CBY2: variants seen among roughly 807,000 people sequenced by gnomAD.
CBY2 encodes protein chibby homolog 2.
Under a neutral mutation model 25.3 loss-of-function variants are expected in CBY2, and 23 were observed. The observed-to-expected ratio is 0.91, with a 90% CI of 0.65 to 1.29. The LOEUF is 1.29. Ranked by LOEUF, CBY2 falls within the 50% of genes most tolerant of loss-of-function variation. The probability of loss-of-function intolerance (pLI) is 0.00; values close to 1 mark genes in which losing one functional copy is unlikely to be tolerated. For synonymous variants in CBY2, 279 were observed against 260.2 expected, an observed-to-expected ratio of 1.07 and a Z score of -0.70; for missense variants, 642 against 590.7, an observed-to-expected ratio of 1.09 and a Z score of -0.90.
rs1950302799 is a variant in CBY2, at chr13:45,714,490, C to T, written c.*118C>T. On this transcript the variant is annotated 3_prime_UTR_variant, in exon 3 of 3. Coordinates refer to ENST00000310521, the MANE Select transcript of CBY2 (RefSeq NM_152719.3). ...CAGCCAGTTCGTACCTATTGAAAAG[C>T]AGCGTTAGCAGCCTTCCTAAACTCA... 3.5e-6 allele frequency: 3 copies of T among 850,202 alleles called. No individual in the cohort carries two copies. In the East Asian group the frequency reaches 8.1e-5, roughly 23 times the overall value. The allele number at this position is 850,202 out of a possible 1,614,324, so 52.7% of individuals were successfully genotyped here.
intron 2 of CBY2, chr13:45,703,516 C>A (rs555000372): frequency 6.4e-7 from 1 of 1,550,728 alleles, no homozygotes; most frequent in Non-Finnish European, 8.7e-7. Flanking sequence ...TCCAGAGTCA[C>A]CTAAGTCCTC....
intron 2 of CBY2, among the ~76,000 whole-genome samples, chr13:45,709,071 A>C (rs1950254687): frequency 2.6e-5 from 4 of 152,194 alleles, no homozygotes; most frequent in Admixed American, 2.6e-4. Flanking sequence ...CCAATTTACA[A>C]ATGCAAATCC....
At chr13:45,707,425 G>A (rs372848088) in intron 2 of CBY2, among the ~76,000 whole-genome samples, 1 of 152,106 alleles carries the variant, frequency 6.6e-6, no homozygotes, top group Admixed American at 6.5e-5. Flanking sequence ...ACTATATTAA[G>A]GCAAAAGAAA....
In CBY2 at chr13:45,712,629, G is replaced by A. The variant is rs546957057; in HGVS notation, c.157-553G>A. On this transcript the variant is annotated intron_variant, in intron 2 of 2. Transcript: ENST00000310521. ...CAGGCTAGAAAATAGTGTCCATTGC[G>A]CAGTCTATCTAGTGCCACTTTTTTT... Among the ~76,000 whole-genome samples, 7 of 152,218 alleles carry A rather than the reference G, an allele frequency of 4.6e-5. No individual in the cohort carries two copies. In the East Asian group the frequency reaches 7.7e-4, roughly 17 times the overall value.
Position 45,714,083 on chromosome 13 carries a change from G to A in CBY2, c.1058G>A (p.Cys353Tyr). ...GTGGGCCCGGGCCTGCCCGACGGCT[G>A]CCAGCCCCTGCAGCTGCTGAGAGAG... ...AKVGPGLPDG[C>Y]QPLQLLREMR... Residue 353 changes from cysteine (C) to tyrosine (Y), a missense_variant, in exon 3 of 3, where the codon TGC becomes TAC. By Grantham distance (194) the Cys-to-Tyr change is radical. Transcript: ENST00000310521. 1 of 1,535,102 alleles carries A rather than the reference G, an allele frequency of 6.5e-7. No individual in the cohort carries two copies. The highest frequency in any genetic ancestry group is 8.8e-7 in the Non-Finnish European group (1 of 1,139,762).
chr13:45,713,994 G>A lies in CBY2; in HGVS notation c.969G>A (p.Glu323=). The A allele has an allele frequency of 1.3e-6, 2 of 1,500,090 alleles. No individual in the cohort carries two copies. The highest frequency in any genetic ancestry group is 1.8e-6 in the Non-Finnish European group (2 of 1,127,086). The allele number at this position is 1,500,090 out of a possible 1,614,324, so 92.9% of individuals were successfully genotyped here. ...GPPARQEDSK[E]LRALRKMVSN... is the part of the protein sequence containing the mutation. ...CGGCCCGGCAGGAGGACTCCAAGGA[G>A]CTGCGCGCCCTGCGGAAGATGGTCA... The change falls in exon 3 of 3, where the codon GAG becomes GAA. Residue 323 remains glutamate, a synonymous_variant. Coordinates refer to ENST00000310521, the MANE Select transcript of CBY2 (RefSeq NM_152719.3). The surrounding 1 kb of genome is among the most constrained non-coding windows in gnomAD (Gnocchi z 5.0).
intron 2 of CBY2, among the ~76,000 whole-genome samples, chr13:45,710,777 C>T (rs1232223191): frequency 6.6e-6 from 1 of 152,124 alleles, no homozygotes; most frequent in Admixed American, 6.5e-5. Flanking sequence ...GCAGAATGCC[C>T]TCATACCCTT....
At position 45,714,031 on chromosome 13, in the gene CBY2, G is replaced by A. The variant is rs1048099430; in HGVS notation, c.1006G>A (p.Gly336Arg). ...ALRKMVSNMS[G>R]PSGEEEAKVG... ...GCGGAAGATGGTCAGCAACATGTCC[G>A]GGCCCTCCGGGGAGGAGGAGGCCAA... is the stretch of plus-strand genomic sequence containing the variant. Residue 336 changes from glycine to arginine, a missense_variant, in exon 3 of 3, where the codon GGG becomes AGG. By Grantham distance (125) the Gly-to-Arg change is moderately radical. Coordinates refer to ENST00000310521, the MANE Select transcript of CBY2 (RefSeq NM_152719.3). 1.5e-5 allele frequency: 22 copies of A among 1,489,656 alleles called. No homozygotes were observed. Among genetic ancestry groups the A allele is most frequent in the Admixed American group, 2.5e-5 (1 of 40,496 alleles). 92.3% of individuals were successfully genotyped at this position (1,489,656 alleles called of 1,614,324 possible). A position where few individuals can be genotyped will look rare whatever the true frequency, so the allele number is the denominator to read the frequency against.
In CBY2 at chr13:45,704,316, G is replaced by T. The variant is rs1250165619; in HGVS notation, c.156+1461G>T. Among the ~76,000 whole-genome samples, 1 of 152,164 alleles carries T rather than the reference G, an allele frequency of 6.6e-6. No homozygotes were observed. The highest frequency in any genetic ancestry group is 2.4e-5 in the African/African-American group (1 of 41,444). ...GGGCTGCCTGCTTCCTGTGCTGGAG[G>T]ACCTGGTGCTGCTGCTGGGGTCTTG... On this transcript the variant is annotated intron_variant, in intron 2 of 2. Coordinates refer to ENST00000310521, the MANE Select transcript of CBY2 (RefSeq NM_152719.3). This position sits in a 1 kb window ranked among gnomAD's most constrained non-coding sequence, Gnocchi z 4.1.
intron 2 of CBY2, among the ~76,000 whole-genome samples, chr13:45,708,295 G>T (rs1211230480): frequency 6.6e-6 from 1 of 152,200 alleles, no homozygotes; most frequent in African/African-American, 2.4e-5. Flanking sequence ...CTCTGGAGAT[G>T]TTATCATTTC....
intron 2 of CBY2, among the ~76,000 whole-genome samples, chr13:45,706,785 C>A (rs567610988): frequency 3.3e-4 from 50 of 152,122 alleles, no homozygotes; most frequent in Non-Finnish European, 6.9e-4. Context: ...CCCATGAAAC[C>A]AATCCAGTGA....
Position 45,713,616 on chromosome 13 carries a change from G to A in CBY2, c.591G>A (p.Gln197=), listed in dbSNP as rs762315503. The change falls in exon 3 of 3, where the codon CAG becomes CAA. Residue 197 remains glutamine, a synonymous_variant. Transcript: ENST00000310521. This position sits in a 1 kb window ranked among gnomAD's most constrained non-coding sequence, Gnocchi z 5.0. ...RMLSKENKIL[Q]VFWEEHKASL... is the part of the protein sequence containing the mutation. ...TCAGCAAGGAGAACAAGATCCTACAGGTCTTCTGGGAGGAGCACAAGGCCT... is the reference window on the plus strand; with the variant it reads ...TCAGCAAGGAGAACAAGATCCTACAAGTCTTCTGGGAGGAGCACAAGGCCT... 3 of 1,613,704 alleles carry A rather than the reference G, an allele frequency of 1.9e-6. No homozygotes were observed. Among genetic ancestry groups the A allele is most frequent in the East Asian group, 2.2e-5 (1 of 44,834 alleles).
chr13:45,708,115 G>A (rs1367711482), intron 2 of CBY2, among the ~76,000 whole-genome samples: 1 of 152,174 alleles, frequency 6.6e-6, no homozygotes, highest in African/African-American at 2.4e-5. Flanking sequence ...GGTTGTACAG[G>A]TTGTGCCCTG....
rs200605656 is a variant in CBY2 at position 45,713,223 on chromosome 13, C to T, written c.198C>T (p.Tyr66=). The change falls in exon 3 of 3, where the codon TAC becomes TAT. Residue 66 remains tyrosine (Y), a synonymous_variant. Transcript: ENST00000310521. The surrounding 1 kb of genome is among the most constrained non-coding windows in gnomAD (Gnocchi z 5.0). ...CCTTCCCGAGGCTCCACAACTTGTA[C>T]AGCACCCCTCGCTGCGCGCAGCAGG... ...AEPFPRLHNL[Y]STPRCAQQAA... 18 of 1,613,388 alleles carry T rather than the reference C, an allele frequency of 1.1e-5. No individual in the cohort carries two copies. The Admixed American group carries it at 3.0e-4, about 27-fold the overall frequency.
In CBY2 at chr13:45,713,077, A is replaced by G. The variant is rs1593357333; in HGVS notation, c.157-105A>G. ...AAAGCGCCCACTGTGGCCAGGCCAG[A>G]CAATCAGACGGGGCTTATTTGGGGA... On this transcript the variant is annotated intron_variant, in intron 2 of 2. Transcript: ENST00000310521. This position sits in a 1 kb window ranked among gnomAD's most constrained non-coding sequence, Gnocchi z 5.0. 3.2e-6 allele frequency: 3 copies of G among 927,444 alleles called. No homozygotes were observed. In the East Asian group the frequency reaches 8.0e-5, roughly 25 times the overall value. 57.5% of individuals were successfully genotyped at this position (927,444 alleles called of 1,614,324 possible).
At chr13:45,707,778 T>G (rs1950247769) in intron 2 of CBY2, among the ~76,000 whole-genome samples, 1 of 148,222 alleles carries the variant, frequency 6.7e-6, no homozygotes, top group Non-Finnish European at 1.5e-5. Flanking sequence ...TGGAGTCAAA[T>G]ATCCTCATTT....
chr13:45,713,763 C>T lies in CBY2; in HGVS notation c.738C>T (p.Thr246=), dbSNP rs768910425. The change falls in exon 3 of 3, where the codon ACC becomes ACT. Residue 246 remains threonine (T), a synonymous_variant. Coordinates refer to ENST00000310521, the MANE Select transcript of CBY2 (RefSeq NM_152719.3). The surrounding 1 kb of genome is among the most constrained non-coding windows in gnomAD (Gnocchi z 5.0). Reference sequence around the variant, plus strand: ...TGCCCCGTGGCAAGGAGGACAGCACCCTGCAGCTCCTCCGGGAGGAGAATC... The same window carrying T: ...TGCCCCGTGGCAAGGAGGACAGCACTCTGCAGCTCCTCCGGGAGGAGAATC... ...LQVPRGKEDS[T]LQLLREENRA... is the part of the protein sequence containing the mutation. 1 of 1,605,884 alleles carries T rather than the reference C, an allele frequency of 6.2e-7. No individual in the cohort carries two copies. Among genetic ancestry groups the T allele is most frequent in the South Asian group, 1.1e-5 (1 of 90,614 alleles).
In CBY2 at chr13:45,702,373, A is replaced by G. The variant is rs752430755; in HGVS notation, c.-18A>G. On this transcript the variant is annotated 5_prime_UTR_variant, in exon 1 of 3. Transcript: ENST00000310521. ...AGAGAGAAACCATGAGCCCTGAAAAACACCATATTGTTTTGTGATGTCACC... is the reference window on the plus strand; with the variant it reads ...AGAGAGAAACCATGAGCCCTGAAAAGCACCATATTGTTTTGTGATGTCACC... The G allele has an allele frequency of 6.2e-7, 1 of 1,612,616 alleles. No homozygotes were observed. The highest frequency in any genetic ancestry group is 8.5e-7 in the Non-Finnish European group (1 of 1,178,710).
chr13:45,708,124 T>C (rs895361514), intron 2 of CBY2, among the ~76,000 whole-genome samples: 1 of 152,220 alleles, frequency 6.6e-6, no homozygotes, highest in Non-Finnish European at 1.5e-5. Context: ...GGTTGTGCCC[T>C]GCAGTAACAG....
Sources: gnomAD v4.1 joint callset for allele counts (sites outside exome capture counted in the v4.1 genomes callset) on GRCh38, gnomAD v4.1.1 for gene constraint, Gnocchi (gnomAD v3.1) non-coding constraint, MANE v1.5 for transcripts, NCBI Gene and HGNC (gene_info 2026-07-23, HGNC 2026-07-21) for gene names.